Variants in MAGI3 observed in about 807,000 individuals in gnomAD.
The protein encoded by MAGI3 is membrane-associated guanylate kinase, WW and PDZ domain-containing protein 3.
In MAGI3, 43 loss-of-function variants were observed where a neutral mutation model predicts 121.8. The ratio of observed to expected loss-of-function variants is 0.35; its 90% CI spans 0.28 to 0.46. The LOEUF (loss-of-function observed/expected upper bound fraction) is 0.46, where lower values mean the gene tolerates loss of function less well. Ranked by LOEUF, MAGI3 falls within the 20% of genes least tolerant of loss-of-function variation. The pLI, the probability that MAGI3 is intolerant of heterozygous loss-of-function variation, is 1.00. For missense variants in MAGI3, 1,547 were observed against 1,797.3 expected, an observed-to-expected ratio of 0.86 and a Z score of 2.52; for synonymous variants, 553 against 639.3, an observed-to-expected ratio of 0.86 and a Z score of 2.04.
chr1:113,424,911 A>G (rs1652920153), intron 1 of MAGI3, among the ~76,000 whole-genome samples: 1 of 152,176 alleles, frequency 6.6e-6, no homozygotes, highest in Non-Finnish European at 1.5e-5. Context: ...AGGTGGGTGG[A>G]TCACCTGAGG....
At chr1:113,451,258 C>T (rs1654469569) in intron 1 of MAGI3, among the ~76,000 whole-genome samples, 1 of 152,112 alleles carries the variant, frequency 6.6e-6, no homozygotes, top group Admixed American at 6.5e-5. Flanking sequence ...AGGCTTATTA[C>T]AGGCTTTAAC....
intron 1 of MAGI3, among the ~76,000 whole-genome samples, chr1:113,408,474 A>G (rs747871308): frequency 3.3e-5 from 5 of 152,166 alleles, no homozygotes; most frequent in Non-Finnish European, 7.4e-5. Flanking sequence ...TTAAGTTGGT[A>G]TCCAACCTGG....
chr1:113,601,417 G>T (rs1243422537), intron 6 of MAGI3, among the ~76,000 whole-genome samples: 1 of 150,796 alleles, frequency 6.6e-6, no homozygotes. Flanking sequence ...CAAAGGACAT[G>T]AACAGACACT....
chr1:113,657,960 G>A (rs1345645410), intron 15 of MAGI3, among the ~76,000 whole-genome samples: 2 of 152,106 alleles, frequency 1.3e-5, no homozygotes, highest in South Asian at 2.1e-4. Flanking sequence ...TCCAAATGAA[G>A]GTCTATTTAA....
intron 2 of MAGI3, among the ~76,000 whole-genome samples, chr1:113,562,724 T>C (rs544243942): frequency 1.3e-5 from 2 of 152,280 alleles, no homozygotes; most frequent in East Asian, 1.9e-4. Flanking sequence ...TCAGTAAGAA[T>C]AGCTAATGAA....
intron 2 of MAGI3, among the ~76,000 whole-genome samples, chr1:113,579,005 C>T (rs961666604): frequency 5.9e-5 from 9 of 151,872 alleles, no homozygotes; most frequent in Non-Finnish European, 2.9e-5. Context: ...TGTAATGTGA[C>T]TAAAAACAGT....
intron 7 of MAGI3, among the ~76,000 whole-genome samples, chr1:113,615,532 C>T (rs564913075): frequency 1.3e-5 from 2 of 152,258 alleles, no homozygotes; most frequent in South Asian, 4.1e-4. Context: ...TAGGCATAAA[C>T]CAATGCCATT....
Position 113,684,050 on chromosome 1 carries a change from C to A in MAGI3, c.*36C>A. On this transcript the variant is annotated 3_prime_UTR_variant, in exon 21 of 21. Transcript: ENST00000307546. The stretch of plus-strand genomic sequence containing the variant: ...AAAACAAAGAAAAACAAGTTGTAAT[C>A]TTTTCTTACAGCAGCATTTTTCCAG... The A allele has an allele frequency of 6.9e-7, 1 of 1,453,960 alleles. No individual in the cohort carries two copies. Among genetic ancestry groups the A allele is most frequent in the Non-Finnish European group, 9.0e-7 (1 of 1,105,042 alleles). 90.1% of individuals were successfully genotyped at this position (1,453,960 alleles called of 1,614,324 possible).
At chr1:113,494,999 A>G (rs1340876815) in intron 1 of MAGI3, among the ~76,000 whole-genome samples, 2 of 152,180 alleles carry the variant, frequency 1.3e-5, no homozygotes, top group Non-Finnish European at 2.9e-5. Flanking sequence ...ACATACATTT[A>G]TGTTGGAAAA....
intron 2 of MAGI3, among the ~76,000 whole-genome samples, chr1:113,564,422 T>G (rs56257513): frequency 0.23 from 35,311 of 152,214 alleles, 5,046 homozygotes; most frequent in South Asian, 0.39. Flanking sequence ...TTAGGATAGA[T>G]TCTCCTGTGT....
At position 113,391,210 on chromosome 1, in the gene MAGI3, C is replaced by T; in HGVS notation, c.177C>T (p.Val59=). ...REEPGGGTCC[V]VSGKAPSPGD... is the part of the protein sequence containing the mutation. The stretch of plus-strand genomic sequence containing the variant: ...AGCCCGGCGGGGGCACCTGCTGCGT[C>T]GTCTCGGGCAAGGCGCCCAGCCCAG... The change falls in exon 1 of 21, where the codon GTC becomes GTT. Residue 59 remains valine (V), a synonymous_variant. Transcript: ENST00000307546. This position sits in a 1 kb window ranked among gnomAD's most constrained non-coding sequence, Gnocchi z 4.4. 2 of 1,554,188 alleles carry T rather than the reference C, an allele frequency of 1.3e-6. No homozygotes were observed. The highest frequency in any genetic ancestry group is 8.7e-7 in the Non-Finnish European group (1 of 1,149,424).
Position 113,549,564 on chromosome 1 carries a change from A to G in MAGI3, c.366A>G (p.Gln122=), listed in dbSNP as rs1410279898. 3 of 1,611,462 alleles carry G rather than the reference A, an allele frequency of 1.9e-6. No individual in the cohort carries two copies. The highest frequency in any genetic ancestry group is 1.1e-5 in the South Asian group (1 of 90,358). Residue 122 remains glutamine (Q), a synonymous_variant, in exon 2 of 21, where the codon CAA becomes CAG. Transcript: ENST00000307546. ...GGCATTACCTAAGTCTTCAGTTTCA[A>G]AAAGGATCAATTGACCACAAACTGC... is the stretch of plus-strand genomic sequence containing the variant. ...DLRHYLSLQF[Q]KGSIDHKLQQ...
At chr1:113,561,683 A>G (rs1660240518) in intron 2 of MAGI3, among the ~76,000 whole-genome samples, 1 of 152,228 alleles carries the variant, frequency 6.6e-6, no homozygotes, top group Non-Finnish European at 1.5e-5. Context: ...AGCTGGAACC[A>G]TTCCCCTTGA....
At chr1:113,574,787 A>G (rs1038052428) in intron 2 of MAGI3, among the ~76,000 whole-genome samples, 2 of 152,202 alleles carry the variant, frequency 1.3e-5, no homozygotes, top group Admixed American at 6.5e-5. Flanking sequence ...GTGTTTTCCA[A>G]CTTGGTCCCA....
intron 19 of MAGI3, among the ~76,000 whole-genome samples, chr1:113,678,815 G>A (rs1026141794): frequency 6.6e-6 from 1 of 152,194 alleles, no homozygotes; most frequent in Non-Finnish European, 1.5e-5. Context: ...ACAGCCTCCT[G>A]ACCGCCTGTG....
At chr1:113,496,175 CTTCA>C (rs1043132194) in intron 1 of MAGI3, among the ~76,000 whole-genome samples, 4 of 152,088 alleles carry the variant, frequency 2.6e-5, no homozygotes, top group African/African-American at 9.7e-5. Context: ...AATATTTCAA[CTTCA>C]TTGTTGAAAA....
At chr1:113,619,672 A>T (rs755115210) in intron 7 of MAGI3, 64 bp from the exon 8 acceptor site, 1 of 1,081,178 alleles carries the variant, frequency 9.2e-7, no homozygotes, top group Non-Finnish European at 1.4e-6. Context: ...GGTATGATAG[A>T]CTATTTAAGA....
At chr1:113,451,022 GTCTTTT>G (rs1557764096) in intron 1 of MAGI3, among the ~76,000 whole-genome samples, 1 of 152,116 alleles carries the variant, frequency 6.6e-6, no homozygotes, top group African/African-American at 2.4e-5. Flanking sequence ...TTGTAGCTTT[GTCTTTT>G]TCTTTTTCTT....
intron 6 of MAGI3, among the ~76,000 whole-genome samples, chr1:113,603,201 A>G (rs1649514832): frequency 6.6e-6 from 1 of 152,186 alleles, no homozygotes; most frequent in African/African-American, 2.4e-5. Context: ...TACTATGAAT[A>G]AGTGAAATTG....
Sources: gnomAD v4.1 joint callset for allele counts (sites outside exome capture counted in the v4.1 genomes callset) on GRCh38, gnomAD v4.1.1 for gene constraint, Gnocchi (gnomAD v3.1) non-coding constraint, MANE v1.5 for transcripts, NCBI Gene and HGNC (gene_info 2026-07-23, HGNC 2026-07-21) for gene names.